Variants in GPSM1 observed in about 807,000 individuals in gnomAD.
GPSM1 encodes the protein G protein signaling modulator 1, also known as G protein-signaling modulator 1.
In GPSM1, 48 loss-of-function variants were observed where a neutral mutation model predicts 70.5. The ratio of observed to expected loss-of-function variants is 0.68; its 90% CI spans 0.54 to 0.87. GPSM1 has a LOEUF of 0.87. Among genes scored for constraint, GPSM1 ranks in the 40% least tolerant of loss-of-function variants. The pLI, the probability that GPSM1 is intolerant of heterozygous loss-of-function variation, is 0.00. For missense variants in GPSM1, 981 were observed against 972.6 expected, an observed-to-expected ratio of 1.01 and a Z score of -0.11; for synonymous variants, 416 against 430.1, an observed-to-expected ratio of 0.97 and a Z score of 0.41.
In GPSM1 at chr9:136,348,722, G is replaced by T; in HGVS notation, c.1233G>T (p.Arg411Ser). ...GGGCCAGACCCAAGAGGACGCAGAGGCTGAGCGCGGAGACCTGGGACCTGC... is the reference window on the plus strand; with the variant it reads ...GGGCCAGACCCAAGAGGACGCAGAGTCTGAGCGCGGAGACCTGGGACCTGC... Reference protein sequence around the residue: ...AQGARPKRTQRLSAETWDLLR... With the variant: ...AQGARPKRTQSLSAETWDLLR... The change falls in exon 10 of 14, where the codon AGG (arginine) becomes AGT (serine). Residue 411 changes from arginine (R) to serine (S), a missense_variant. Coordinates refer to ENST00000440944, the MANE Select transcript of GPSM1 (RefSeq NM_001145638.3). The T allele has an allele frequency of 6.2e-7, 1 of 1,612,300 alleles. No individual in the cohort carries two copies. The highest frequency in any genetic ancestry group is 8.5e-7 in the Non-Finnish European group (1 of 1,179,594).
In GPSM1 at chr9:136,351,432, G is replaced by A. The variant is rs900524141; in HGVS notation, c.1455+1669G>A. On this transcript the variant is annotated intron_variant, in intron 11 of 13. Transcript: ENST00000440944. ...CACAGCTGGGTCTGCCCTGTCCACA[G>A]CTGGCTCTGCCCATCACATCTGGGC... Among the ~76,000 whole-genome samples, 3 of 152,358 alleles carry A rather than the reference G, an allele frequency of 2.0e-5. No individual in the cohort carries two copies. In the East Asian group the frequency reaches 5.8e-4, roughly 29 times the overall value.
rs558531795 is a variant in GPSM1 at position 136,331,387 on chromosome 9, G to C, written c.69-3060G>C. ...GAGCCCCCCCCCCCCGCTGCCCCAT[G>C]CTGGCACCGTGGGCTGGTGCCAGGG... On this transcript the variant is annotated intron_variant, in intron 1 of 13. Coordinates refer to ENST00000440944, the MANE Select transcript of GPSM1 (RefSeq NM_001145638.3). Among the ~76,000 whole-genome samples the C allele has an allele frequency of 8.5e-5, 12 of 141,336 alleles. No homozygotes were observed. In the East Asian group the frequency reaches 2.2e-3, roughly 26 times the overall value. 92.7% of individuals were successfully genotyped at this position (141,336 alleles called of 152,430 possible).
Position 136,337,929 on chromosome 9 carries a change from G to T in GPSM1, c.786G>T (p.Leu262=). 1 of 1,612,188 alleles carries T rather than the reference G, an allele frequency of 6.2e-7. No individual in the cohort carries two copies. The highest frequency in any genetic ancestry group is 8.5e-7 in the Non-Finnish European group (1 of 1,179,500). The change falls in exon 6 of 14, where the codon CTG becomes CTT. Residue 262 remains leucine, a synonymous_variant. Coordinates refer to ENST00000440944, the MANE Select transcript of GPSM1 (RefSeq NM_001145638.3). ...ACCTGGGGAACGCCCACGTCTTCCT[G>T]GGGCGCTTTGACGTGGCCGCCGAGT... ...YSNLGNAHVF[L]GRFDVAAEYY...
intron 11 of GPSM1, among the ~76,000 whole-genome samples, chr9:136,354,051 C>CG (rs1832744751): frequency 6.6e-6 from 1 of 152,070 alleles, no homozygotes; most frequent in Non-Finnish European, 1.5e-5. Flanking sequence ...GAGAGCCCTG[C>CG]GGGGAGAAGG....
intron 9 of GPSM1, among the ~76,000 whole-genome samples, chr9:136,344,209 C>T (rs1588699311): frequency 4.9e-5 from 1 of 20,556 alleles, no homozygotes; most frequent in East Asian, 1.2e-3. Context: ...CGGACAGGAG[C>T]GGGGTGGGGG....
rs375186834 is a variant in GPSM1 at position 136,339,750 on chromosome 9, G to C, written c.1018G>C (p.Val340Leu). The change falls in exon 8 of 14, where the codon GTG becomes CTG. Residue 340 changes from valine (V) to leucine (L), a missense_variant. Transcript: ENST00000440944. ...RACWSLGNAY[V>L]SMGRPAQALT... ...GTGCTGGAGCCTGGGAAATGCCTAC[G>C]TGTCCATGGGGCGCCCAGCGCAGGC... 5.8e-6 allele frequency: 9 copies of C among 1,550,270 alleles called. No homozygotes were observed. The highest frequency in any genetic ancestry group is 7.0e-6 in the Non-Finnish European group (8 of 1,146,768).
At chr9:136,356,012 C>T (rs1564358552) in intron 12 of GPSM1, among the ~76,000 whole-genome samples, 166 bp downstream of exon 12, 1 of 152,038 alleles carries the variant, frequency 6.6e-6, no homozygotes, top group Non-Finnish European at 1.5e-5. Context: ...AGAGCAGCAT[C>T]CCGGGAAGCG....
Position 136,355,789 on chromosome 9 carries a change from G to A in GPSM1, c.1555G>A (p.Asp519Asn), listed in dbSNP as rs199566409. ...GGACGACCAGCGTTGTCCCCTGGAC[G>A]ATGGCCAGGCCGGGGCTGCCGAGGC... ...RMDDQRCPLD[D>N]GQAGAAEATA... Residue 519 changes from aspartate (D) to asparagine (N), a missense_variant, in exon 12 of 14, where the codon GAT becomes AAT. Asp to Asn is a conservative substitution (Grantham distance 23). Transcript: ENST00000440944. 5.6e-6 allele frequency: 9 copies of A among 1,611,964 alleles called. No homozygotes were observed. The highest frequency in any genetic ancestry group is 1.7e-4 in the Middle Eastern group (1 of 6,056).
rs991256725 is a variant in GPSM1, at chr9:136,343,501, C to T, written c.1207+2508C>T. On this transcript the variant is annotated intron_variant, in intron 9 of 13. Coordinates refer to ENST00000440944, the MANE Select transcript of GPSM1 (RefSeq NM_001145638.3). The surrounding 1 kb of genome is among the most constrained non-coding windows in gnomAD (Gnocchi z 6.0). ...GGCCCTGCTCAGGGCGTTGTGAGCA[C>T]GGTACACAAGAGTTACTGGGGGAGC... Among the ~76,000 whole-genome samples, 14 of 152,220 alleles carry T rather than the reference C, an allele frequency of 9.2e-5. No homozygotes were observed. The highest frequency in any genetic ancestry group is 1.4e-4 in the African/African-American group (6 of 41,456).
At chr9:136,330,601 C>T (rs368711630) in intron 1 of GPSM1, among the ~76,000 whole-genome samples, 1 of 152,176 alleles carries the variant, frequency 6.6e-6, no homozygotes, top group African/African-American at 2.4e-5. Flanking sequence ...GTGGTTTTCC[C>T]TGGGGGTGTC....
chr9:136,334,967 G>A (rs1832197328), intron 2 of GPSM1, among the ~76,000 whole-genome samples: 2 of 152,194 alleles, frequency 1.3e-5, no homozygotes, highest in African/African-American at 4.8e-5. Context: ...AGGGTCTAAG[G>A]GAACGCAGTG....
chr9:136,337,950 C>G lies in GPSM1; in HGVS notation c.807C>G (p.Ala269=). ...HVFLGRFDVA[A]EYYKKTLQLS... ...TCCTGGGGCGCTTTGACGTGGCCGCCGAGTACTACAAGTAGGTGGTCCCCA... is the reference window on the plus strand; with the variant it reads ...TCCTGGGGCGCTTTGACGTGGCCGCGGAGTACTACAAGTAGGTGGTCCCCA... Residue 269 remains alanine (A), a synonymous_variant, in exon 6 of 14, where the codon GCC becomes GCG. Transcript: ENST00000440944. 6.2e-7 allele frequency: 1 copy of G among 1,606,130 alleles called. No homozygotes were observed. The highest frequency in any genetic ancestry group is 1.7e-4 in the Middle Eastern group (1 of 6,038).
intron 1 of GPSM1, among the ~76,000 whole-genome samples, chr9:136,329,556 G>A (rs1445983861): frequency 2.0e-5 from 3 of 152,150 alleles, no homozygotes; most frequent in Non-Finnish European, 2.9e-5. Context: ...GGAGGTGGGC[G>A]GAATCCGTGT....
intron 9 of GPSM1, among the ~76,000 whole-genome samples, chr9:136,346,036 C>T (rs1367852085): frequency 6.6e-6 from 1 of 152,220 alleles, no homozygotes; most frequent in African/African-American, 2.4e-5. Context: ...CGATGGGAGC[C>T]CTGCCCCGGG....
At chr9:136,333,568 A>C (rs1832153738) in intron 1 of GPSM1, among the ~76,000 whole-genome samples, 1 of 152,122 alleles carries the variant, frequency 6.6e-6, no homozygotes, top group Non-Finnish European at 1.5e-5. Flanking sequence ...TTCTTCTCTA[A>C]AGTCCCTGCC....
intron 4 of GPSM1, 134 bp downstream of exon 4, chr9:136,337,206 AC>A: frequency 9.5e-7 from 1 of 1,048,258 alleles, no homozygotes; most frequent in Non-Finnish European, 1.3e-6. Flanking sequence ...AGGTCCGCCC[AC>A]CCCCGCTTTC....
chr9:136,339,924 C>G, intron 8 of GPSM1, 109 bp downstream of exon 8: 1 of 697,362 alleles, frequency 1.4e-6, no homozygotes, highest in Non-Finnish European at 2.5e-6. Context: ...CCCCCTCATC[C>G]TTTCAGGGCC....
At chr9:136,328,337 C>G (rs1832026586) in intron 1 of GPSM1, among the ~76,000 whole-genome samples, 1 of 152,210 alleles carries the variant, frequency 6.6e-6, no homozygotes, top group Admixed American at 6.5e-5. Flanking sequence ...GCATGCCTGC[C>G]TGGTGACTCC....
intron 13 of GPSM1, among the ~76,000 whole-genome samples, chr9:136,357,364 C>T (rs782648211): frequency 5.3e-5 from 8 of 152,206 alleles, no homozygotes; most frequent in Non-Finnish European, 1.0e-4. Context: ...GCCAGGCGTC[C>T]GACCAGCCAC....
Sources: allele counts gnomAD v4.1 joint callset (sites outside exome capture counted in the v4.1 genomes callset), GRCh38; gene constraint gnomAD v4.1.1; non-coding constraint Gnocchi (gnomAD v3.1); transcripts MANE v1.5; gene names NCBI Gene and HGNC (gene_info 2026-07-23, HGNC 2026-07-21).